The following RGR variants were observed in gnomAD, a reference collection of about 807,000 sequenced individuals.
RGR encodes the protein RPE-retinal G protein-coupled receptor.
RGR carries 30 observed loss-of-function variants against 28.6 expected under a neutral mutation model. The observed-to-expected ratio is 1.05, with a 90% CI of 0.78 to 1.42. The LOEUF is 1.42. RGR is among the 40% of genes most tolerant of loss of function. The pLI is 0.00. For missense variants in RGR, 404 were observed against 375.6 expected (o/e 1.08, Z -0.62); for synonymous variants, 180 against 156.4 (o/e 1.15, Z -1.13).
At chr10:84,250,578 C>T (rs1421755795) in intron 3 of RGR, 2 of 665,042 alleles carry the variant, frequency 3.0e-6, no homozygotes, top group Non-Finnish European at 5.6e-6. Context: ...TAGCAACAGG[C>T]TTCTCTGCCT....
chr10:84,258,401 T>C, intron 6 of RGR, 107 bp from the exon 7 acceptor site: 1 of 1,577,486 alleles, frequency 6.3e-7, no homozygotes, highest in Non-Finnish European at 8.7e-7. Context: ...GCTGCAGAAC[T>C]AAATGATTGG....
At chr10:84,250,543 CACACACACA>C in intron 3 of RGR, 1 of 692,580 alleles carries the variant, frequency 1.4e-6, no homozygotes, top group South Asian at 1.5e-5. Context: ...CACACACACA[CACACACACA>C]CACCACCTTC....
intron 5 of RGR, among the ~76,000 whole-genome samples, chr10:84,257,391 C>T (rs1156325427): frequency 6.6e-6 from 1 of 152,218 alleles, no homozygotes; most frequent in Non-Finnish European, 1.5e-5. Flanking sequence ...GGCAGCTCAG[C>T]CTGGGGCCCC....
chr10:84,252,037 G>C (rs1379289758), intron 3 of RGR, among the ~76,000 whole-genome samples: 3 of 152,200 alleles, frequency 2.0e-5, no homozygotes, highest in Non-Finnish European at 4.4e-5. Flanking sequence ...AGTAGACAGA[G>C]GAGGGCACCT....
chr10:84,258,769 A>C lies in RGR; in HGVS notation c.*130A>C. 1 of 1,364,276 alleles carries C rather than the reference A, an allele frequency of 7.3e-7. No homozygotes were observed. Among genetic ancestry groups the C allele is most frequent in the Admixed American group, 1.9e-5 (1 of 51,812 alleles). The allele number at this position is 1,364,276 out of a possible 1,614,324, so 84.5% of individuals were successfully genotyped here. A position where few individuals can be genotyped will look rare whatever the true frequency, so the allele number is the denominator to read the frequency against. On this transcript the variant is annotated 3_prime_UTR_variant, in exon 7 of 7. Transcript: ENST00000652092. The stretch of plus-strand genomic sequence containing the variant: ...CCCGTGGATCCTGGTCCTAGGCTGG[A>C]CACAGGATTCAGAAAGACACCAGGC...
At chr10:84,246,294 G>A (rs888855175) in intron 1 of RGR, among the ~76,000 whole-genome samples, 2 of 152,092 alleles carry the variant, frequency 1.3e-5, no homozygotes, top group Admixed American at 6.6e-5. Context: ...GAATTACATC[G>A]TGGCAAATGC....
chr10:84,247,619 G>A lies in RGR; in HGVS notation c.108G>A (p.Leu36=), dbSNP rs192942325. Residue 36 remains leucine, a synonymous_variant, in exon 2 of 7, where the codon CTG becomes CTA. Coordinates refer to ENST00000652092, the MANE Select transcript of RGR (RefSeq NM_001012720.2). ...EALSGLSLNT[L]TIFSFCKTPE... ...TCTCCGGTCTCAGCCTCAATACCCT[G>A]ACCATCTTCTCTTTCTGCAAGACCC... The A allele has an allele frequency of 1.9e-5, 31 of 1,614,078 alleles. No homozygotes were observed. In the East Asian group the frequency reaches 4.0e-4, roughly 21 times the overall value.
intron 4 of RGR, among the ~76,000 whole-genome samples, 155 bp downstream of exon 4, chr10:84,253,165 G>A (rs1842840852): frequency 6.6e-6 from 1 of 152,192 alleles, no homozygotes; most frequent in South Asian, 2.1e-4. Flanking sequence ...ACCTGCAGGT[G>A]GACAGTGGGA....
intron 4 of RGR, 96 bp from the exon 5 acceptor site, chr10:84,254,230 C>A: frequency 9.3e-7 from 1 of 1,074,714 alleles, no homozygotes; most frequent in Non-Finnish European, 1.4e-6. Context: ...GGGCATTTCC[C>A]CACAACCGAT....
rs1842930288 is a variant in RGR at position 84,259,727 on chromosome 10, T to A, written c.*1088T>A. Reference sequence around the variant, plus strand: ...TGTTTATTCATGTCTTTTGCCCACTTTTTAATGGCATTATTTGGATTTTTT... The same window carrying A: ...TGTTTATTCATGTCTTTTGCCCACTATTTAATGGCATTATTTGGATTTTTT... On this transcript the variant is annotated 3_prime_UTR_variant, in exon 7 of 7. Coordinates refer to ENST00000652092, the MANE Select transcript of RGR (RefSeq NM_001012720.2). 6.6e-6 allele frequency: 1 copy of A among 152,202 alleles called. No individual in the cohort carries two copies. The highest frequency in any genetic ancestry group is 6.5e-5 in the Admixed American group (1 of 15,278). 9.4% of individuals were successfully genotyped at this position (152,202 alleles called of 1,614,324 possible).
chr10:84,250,466 C>T (rs1275566810), intron 3 of RGR: 1 of 715,536 alleles, frequency 1.4e-6, no homozygotes, highest in Non-Finnish European at 2.6e-6. Context: ...AGCACTTCTC[C>T]CACTCCTTAC....
intron 2 of RGR, chr10:84,248,020 A>C: frequency 1.6e-6 from 1 of 606,460 alleles, no homozygotes; most frequent in South Asian, 2.0e-5. Context: ...CTAGGTTTGC[A>C]TTCTGGCTTC....
intron 3 of RGR, chr10:84,250,531 CACACACA>C: frequency 1.5e-6 from 1 of 687,748 alleles, no homozygotes; most frequent in South Asian, 1.5e-5. Context: ...CACACACACA[CACACACA>C]CACACACACA....
In RGR at chr10:84,258,790, C is replaced by T; in HGVS notation, c.*151C>T. The T allele has an allele frequency of 8.7e-7, 1 of 1,151,912 alleles. No homozygotes were observed. Among genetic ancestry groups the T allele is most frequent in the Admixed American group, 2.0e-5 (1 of 50,046 alleles). 71.4% of individuals were successfully genotyped at this position (1,151,912 alleles called of 1,614,324 possible). Reference sequence around the variant, plus strand: ...CTGGACACAGGATTCAGAAAGACACCAGGCTGCACAGAAAGAGCCAGATGG... The same window carrying T: ...CTGGACACAGGATTCAGAAAGACACTAGGCTGCACAGAAAGAGCCAGATGG... On this transcript the variant is annotated 3_prime_UTR_variant, in exon 7 of 7. Coordinates refer to ENST00000652092, the MANE Select transcript of RGR (RefSeq NM_001012720.2).
chr10:84,247,683 T>A lies in RGR; in HGVS notation c.172T>A (p.Leu58Met). The change falls in exon 2 of 7, where the codon TTG becomes ATG. Residue 58 changes from leucine to methionine, a missense_variant. Physicochemically the swap from Leu to Met is conservative, Grantham distance 15. Coordinates refer to ENST00000652092, the MANE Select transcript of RGR (RefSeq NM_001012720.2). ...RTPCHLLVLS[L>M]ALADSGISLN... ...TCCCTGCCACCTACTGGTGCTGAGC[T>A]TGGCTCTTGCGGACAGTGGGATCAG... 6.2e-7 allele frequency: 1 copy of A among 1,614,210 alleles called. No homozygotes were observed. The highest frequency in any genetic ancestry group is 8.5e-7 in the Non-Finnish European group (1 of 1,180,042).
chr10:84,247,829 G>C lies in RGR; in HGVS notation c.236+82G>C, dbSNP rs1321597635. The C allele has an allele frequency of 1.9e-6, 3 of 1,600,608 alleles. No individual in the cohort carries two copies. The African/African-American group carries it at 4.0e-5, about 21-fold the overall frequency. ...TGGGCCCTGGGCAGCCAGGCCAAGG[G>C]CATTTTTACTACTTACAGAAAATTG... On this transcript the variant is annotated intron_variant, in intron 2 of 6. Coordinates refer to ENST00000652092, the MANE Select transcript of RGR (RefSeq NM_001012720.2).
chr10:84,254,673 G>A (rs1842861913), intron 5 of RGR, among the ~76,000 whole-genome samples: 1 of 152,126 alleles, frequency 6.6e-6, no homozygotes. Flanking sequence ...TCTTTTATAT[G>A]TTTATTTTTC....
chr10:84,253,537 A>G (rs924584969), intron 4 of RGR, among the ~76,000 whole-genome samples: 1 of 152,118 alleles, frequency 6.6e-6, no homozygotes, highest in African/African-American at 2.4e-5. Context: ...CCCCATCAGG[A>G]GGCTCTAGGG....
intron 3 of RGR, 92 bp downstream of exon 3, chr10:84,249,135 C>T (rs909185330): frequency 3.4e-5 from 53 of 1,562,624 alleles, no homozygotes; most frequent in South Asian, 1.4e-4. Context: ...GCTACTGCTC[C>T]GTGTTTCCCA....
Sources: allele counts gnomAD v4.1 joint callset (sites outside exome capture counted in the v4.1 genomes callset), GRCh38; gene constraint gnomAD v4.1.1; transcripts MANE v1.5; gene names NCBI Gene and HGNC (gene_info 2026-07-23, HGNC 2026-07-21).